The following FOXO3 variants were observed in gnomAD, a reference collection of about 807,000 sequenced individuals.
FOXO3 encodes forkhead box O3.
FOXO3 carries 4 observed loss-of-function variants against 41.9 expected under a neutral mutation model. The observed-to-expected ratio is 0.10, with a 90% confidence interval of 0.05 to 0.22. FOXO3 has a LOEUF of 0.22. Ranked by LOEUF, FOXO3 falls within the 10% of genes least tolerant of loss-of-function variation. The pLI is 1.00. For synonymous variants in FOXO3, 318 were observed against 389.3 expected (o/e 0.82, Z 2.16); for missense variants, 534 against 906.8 (o/e 0.59, Z 5.28).
At chr6:108,634,716 G>A (rs906647015) in intron 1 of FOXO3, among the ~76,000 whole-genome samples, 5 of 152,100 alleles carry the variant, frequency 3.3e-5, no homozygotes, top group Non-Finnish European at 5.9e-5. Flanking sequence ...TCTTAATACA[G>A]ATAAGATGGA....
chr6:108,625,388 A>G (rs957149218), intron 1 of FOXO3, among the ~76,000 whole-genome samples: 35 of 152,202 alleles, frequency 2.3e-4, no homozygotes, highest in African/African-American at 8.2e-4. Flanking sequence ...TTGTATAGTC[A>G]AATTTAATTT....
intron 1 of FOXO3, among the ~76,000 whole-genome samples, chr6:108,621,827 G>A (rs775744214): frequency 3.3e-5 from 5 of 152,190 alleles, no homozygotes; most frequent in Non-Finnish European, 5.9e-5. Context: ...TGACAGGGAT[G>A]TACTAGAAAG....
intron 1 of FOXO3, among the ~76,000 whole-genome samples, chr6:108,625,703 G>A (rs1249193260): frequency 6.6e-6 from 1 of 152,162 alleles, no homozygotes; most frequent in African/African-American, 2.4e-5. Flanking sequence ...GAGTCAGGAG[G>A]TCAGGACCCA....
intron 1 of FOXO3, among the ~76,000 whole-genome samples, chr6:108,616,123 G>A (rs1372121306): frequency 2.0e-5 from 3 of 148,902 alleles, no homozygotes; most frequent in African/African-American, 5.0e-5. Flanking sequence ...GAGTAGCTGG[G>A]ACTACAGGTA....
At chr6:108,665,177 A>G (rs1424032119) in intron 2 of FOXO3, among the ~76,000 whole-genome samples, 1 of 152,160 alleles carries the variant, frequency 6.6e-6, no homozygotes, top group Non-Finnish European at 1.5e-5. Context: ...TTTTGCATCC[A>G]GTTGTCCTCA....
chr6:108,649,281 A>G (rs1415415617), intron 1 of FOXO3, among the ~76,000 whole-genome samples: 1 of 152,082 alleles, frequency 6.6e-6, no homozygotes, highest in African/African-American at 2.4e-5. Flanking sequence ...GGCAGTAAGT[A>G]TGTCTGCCCT....
At chr6:108,613,672 G>A (rs993851281) in intron 1 of FOXO3, among the ~76,000 whole-genome samples, 14 of 151,800 alleles carry the variant, frequency 9.2e-5, no homozygotes, top group African/African-American at 3.1e-4. Context: ...TCTTTTAAAC[G>A]AATTAACATT....
Position 108,624,024 on chromosome 6 carries a change from T to A in FOXO3, c.622-39431T>A, listed in dbSNP as rs549973715. Among the ~76,000 whole-genome samples, 14 of 152,320 alleles carry A rather than the reference T, an allele frequency of 9.2e-5. 1 individual carries two copies. The East Asian group carries it at 2.3e-3, about 25-fold the overall frequency. On this transcript the variant is annotated intron_variant, in intron 1 of 2. Transcript: ENST00000406360. ...CAAGATTTTGCATCTGAATTGTATATATAAACTGTGTCAGGAATATCATAA... is the reference window on the plus strand; with the variant it reads ...CAAGATTTTGCATCTGAATTGTATAAATAAACTGTGTCAGGAATATCATAA...
At chr6:108,675,176 A>G (rs1264462884) in intron 2 of FOXO3, among the ~76,000 whole-genome samples, 2 of 152,174 alleles carry the variant, frequency 1.3e-5, no homozygotes, top group Non-Finnish European at 2.9e-5. Flanking sequence ...TATTTTAGCC[A>G]TTAATAATCG....
In FOXO3 at chr6:108,561,584, C is replaced by T. The variant is rs1362097495; in HGVS notation, c.376C>T (p.Leu126=). 6.7e-7 allele frequency: 1 copy of T among 1,494,896 alleles called. No homozygotes were observed. The highest frequency in any genetic ancestry group is 1.3e-5 in the South Asian group (1 of 75,954). 92.6% of individuals were successfully genotyped at this position (1,494,896 alleles called of 1,614,324 possible). The change falls in exon 1 of 3, where the codon CTG becomes TTG. Residue 126 remains leucine (L), a synonymous_variant. Transcript: ENST00000406360. ...AGGLSGGTQA[L]LQPQQPLPPP... Reference sequence around the variant, plus strand: ...CGGGCTGAGCGGGGGTACACAGGCGCTGCTGCAGCCTCAGCAACCGCTGCC... The same window carrying T: ...CGGGCTGAGCGGGGGTACACAGGCGTTGCTGCAGCCTCAGCAACCGCTGCC...
intron 1 of FOXO3, among the ~76,000 whole-genome samples, chr6:108,638,870 C>T (rs1194378756): frequency 1.3e-5 from 2 of 152,166 alleles, no homozygotes; most frequent in African/African-American, 4.8e-5. Context: ...TGATTTCTCT[C>T]ATCCTCAAGT....
At chr6:108,667,678 G>A (rs780851416) in intron 2 of FOXO3, among the ~76,000 whole-genome samples, 5 of 152,190 alleles carry the variant, frequency 3.3e-5, no homozygotes, top group African/African-American at 4.8e-5. Context: ...ATAAATGACT[G>A]CATTGAGGAT....
intron 2 of FOXO3, among the ~76,000 whole-genome samples, chr6:108,678,890 T>TTTTTTTTC (rs368405598): frequency 0.025 from 2,930 of 115,240 alleles, 391 homozygotes; most frequent in Middle Eastern, 0.035. Flanking sequence ...TTTTTTTTTT[T>TTTTTTTTC]TGAGACGGAG....
intron 1 of FOXO3, among the ~76,000 whole-genome samples, chr6:108,633,246 C>A (rs1778024457): frequency 6.6e-6 from 1 of 152,184 alleles, no homozygotes; most frequent in South Asian, 2.1e-4. Context: ...AATGTGATCA[C>A]AGTGAAAAAT....
At chr6:108,563,745 T>C (rs529801223) in intron 1 of FOXO3, among the ~76,000 whole-genome samples, 2 of 152,220 alleles carry the variant, frequency 1.3e-5, no homozygotes, top group Non-Finnish European at 2.9e-5. Flanking sequence ...TTCACAAATA[T>C]TTCTTGTTAT....
At chr6:108,659,925 G>T (rs1778794957) in intron 1 of FOXO3, among the ~76,000 whole-genome samples, 1 of 152,206 alleles carries the variant, frequency 6.6e-6, no homozygotes, top group African/African-American at 2.4e-5. Flanking sequence ...CTTTTTCTCA[G>T]TTGGGTTGGA....
chr6:108,621,598 G>A (rs1777665938), intron 1 of FOXO3, among the ~76,000 whole-genome samples: 1 of 152,066 alleles, frequency 6.6e-6, no homozygotes, highest in African/African-American at 2.4e-5. Context: ...CACCCAGGCT[G>A]GTGTGCAGTG....
At chr6:108,570,854 A>T (rs1248065766) in intron 1 of FOXO3, among the ~76,000 whole-genome samples, 2 of 152,206 alleles carry the variant, frequency 1.3e-5, no homozygotes, top group African/African-American at 4.8e-5. Context: ...AGGAAAATTT[A>T]GGAGAGGGGG....
At chr6:108,569,303 A>T (rs1156302732) in intron 1 of FOXO3, among the ~76,000 whole-genome samples, 1 of 152,230 alleles carries the variant, frequency 6.6e-6, no homozygotes, top group Non-Finnish European at 1.5e-5. Flanking sequence ...TTCTGACTGC[A>T]TCATTGCCCA....
Sources: allele counts gnomAD v4.1 joint callset (sites outside exome capture counted in the v4.1 genomes callset), GRCh38; gene constraint gnomAD v4.1.1; transcripts MANE v1.5; gene names NCBI Gene and HGNC (gene_info 2026-07-23, HGNC 2026-07-21).